PPFIBP1: variants seen among roughly 807,000 people sequenced by gnomAD.
The protein encoded by PPFIBP1 is liprin-beta-1.
PPFIBP1 carries 112 observed loss-of-function variants against 137.8 expected under a neutral mutation model. The ratio of observed to expected loss-of-function variants is 0.81; its 90% confidence interval spans 0.70 to 0.95. The LOEUF (loss-of-function observed/expected upper bound fraction) is 0.95. Ranked by LOEUF, PPFIBP1 falls within the 40% of genes least tolerant of loss-of-function variation. The pLI is 0.00. For missense variants in PPFIBP1, 1,083 were observed against 1,196.6 expected (o/e 0.91, Z 1.40); for synonymous variants, 378 against 417.3 (o/e 0.91, Z 1.15).
intron 24 of PPFIBP1, among the ~76,000 whole-genome samples, chr12:27,684,385 A>C (rs2061074540): frequency 1.3e-5 from 2 of 152,384 alleles, no homozygotes; most frequent in South Asian, 4.1e-4. Flanking sequence ...CTGGGATTAC[A>C]GGCGTGAGCC....
chr12:27,664,257 T>C (rs2059722300), intron 11 of PPFIBP1, 105 bp from the exon 12 acceptor site: 1 of 731,022 alleles, frequency 1.4e-6, no homozygotes, highest in Non-Finnish European at 2.4e-6. Context: ...GGCAGAATCA[T>C]GCGTATTCTT....
intron 25 of PPFIBP1, 21 bp from the exon 26 acceptor site, chr12:27,688,277 C>T (rs1024474378): frequency 2.3e-5 from 37 of 1,610,618 alleles, no homozygotes; most frequent in Non-Finnish European, 2.9e-5. Flanking sequence ...TATTTAGGAT[C>T]CTGGTTGTGT....
chr12:27,689,677 G>T (rs1377337885), intron 27 of PPFIBP1, among the ~76,000 whole-genome samples: 1 of 152,084 alleles, frequency 6.6e-6, no homozygotes, highest in African/African-American at 2.4e-5. Flanking sequence ...CTCCTGCCTT[G>T]AGTCCTTGCC....
intron 7 of PPFIBP1, among the ~76,000 whole-genome samples, chr12:27,653,559 C>A (rs1451001177): frequency 7.1e-6 from 1 of 141,672 alleles, no homozygotes; most frequent in Non-Finnish European, 1.5e-5. Context: ...TGCACTCCAG[C>A]CTGGGTGACA....
At chr12:27,605,875 T>G (rs928266849) in intron 2 of PPFIBP1, among the ~76,000 whole-genome samples, 3 of 152,248 alleles carry the variant, frequency 2.0e-5, no homozygotes, top group African/African-American at 7.2e-5. Context: ...AAAATTATTG[T>G]CTTGAAATGA....
At chr12:27,686,803 G>T (rs563487147) in intron 24 of PPFIBP1, among the ~76,000 whole-genome samples, 1 of 152,124 alleles carries the variant, frequency 6.6e-6, no homozygotes, top group Admixed American at 6.5e-5. Flanking sequence ...TTGGGCGGCT[G>T]AGGCCGGGGG....
chr12:27,663,480 G>C (rs1312572301), intron 11 of PPFIBP1, among the ~76,000 whole-genome samples: 1 of 152,166 alleles, frequency 6.6e-6, no homozygotes, highest in Non-Finnish European at 1.5e-5. Flanking sequence ...AAAAGAAAGA[G>C]TGGATGGATA....
In PPFIBP1 at chr12:27,634,934, A is replaced by G. The variant is rs2881468; in HGVS notation, c.89A>G (p.Asn30Ser). The G allele has an allele frequency of 8.1e-6, 13 of 1,613,902 alleles. No individual in the cohort carries two copies. The highest frequency in any genetic ancestry group is 6.7e-5 in the East Asian group (3 of 44,892). ...GGTTCTAAGGCTCTGGAATATTCCA[A>G]TGGGATTTTTGATTGCCAATCTCCC... ...IAGSKALEYS[N>S]GIFDCQSPTS... The change falls in exon 4 of 30, where the codon AAT (asparagine) becomes AGT (serine). Residue 30 changes from asparagine to serine, a missense_variant. Transcript: ENST00000228425.
At chr12:27,555,075 G>A (rs961803463) in intron 1 of PPFIBP1, among the ~76,000 whole-genome samples, 2 of 152,120 alleles carry the variant, frequency 1.3e-5, no homozygotes, top group Admixed American at 1.3e-4. Context: ...ATGGAAGGCA[G>A]GCCCTTCCAG....
intron 2 of PPFIBP1, among the ~76,000 whole-genome samples, chr12:27,611,559 C>T (rs183529472): frequency 1.2e-4 from 18 of 152,272 alleles, no homozygotes; most frequent in African/African-American, 4.3e-4. Context: ...TTTGAAAGGA[C>T]ATAATTAAAC....
chr12:27,678,500 A>G (rs117941939), intron 19 of PPFIBP1, among the ~76,000 whole-genome samples: 1,563 of 152,340 alleles, frequency 0.01, 11 homozygotes, highest in Non-Finnish European at 0.016. Context: ...GGAAAATGAC[A>G]TAGAGTCTGA....
At chr12:27,684,120 T>C (rs1457533299) in intron 24 of PPFIBP1, among the ~76,000 whole-genome samples, 2 of 149,842 alleles carry the variant, frequency 1.3e-5, no homozygotes, top group Non-Finnish European at 3.0e-5. Context: ...TTTATTTATT[T>C]ATTTTGGAGA....
chr12:27,642,080 G>T (rs1210057758), intron 4 of PPFIBP1, among the ~76,000 whole-genome samples: 1 of 152,242 alleles, frequency 6.6e-6, no homozygotes, highest in Admixed American at 6.5e-5. Flanking sequence ...CGTTTTCCGG[G>T]TGAGGTTCCT....
At chr12:27,570,442 C>T (rs1267178559) in intron 1 of PPFIBP1, among the ~76,000 whole-genome samples, 2 of 152,088 alleles carry the variant, frequency 1.3e-5, no homozygotes, top group Non-Finnish European at 2.9e-5. Flanking sequence ...CAAATTCTAC[C>T]CTCTAAGTCA....
chr12:27,678,427 A>G (rs752020869), intron 19 of PPFIBP1, among the ~76,000 whole-genome samples: 7 of 152,252 alleles, frequency 4.6e-5, no homozygotes, highest in Non-Finnish European at 7.3e-5. Flanking sequence ...ACATTTCAAA[A>G]ATAAAGAATT....
chr12:27,609,986 C>T (rs187222306), intron 2 of PPFIBP1, among the ~76,000 whole-genome samples: 4 of 152,224 alleles, frequency 2.6e-5, no homozygotes, highest in South Asian at 4.2e-4. Flanking sequence ...TTGTCCTTAG[C>T]GAGCCTGTGC....
intron 9 of PPFIBP1, among the ~76,000 whole-genome samples, chr12:27,658,138 G>GA (rs56797899): frequency 4.0e-4 from 49 of 122,990 alleles, no homozygotes; most frequent in African/African-American, 6.6e-4. Flanking sequence ...TCCTGTCTCT[G>GA]AAAAAAAAAA....
rs140395529 is a variant in PPFIBP1 at position 27,683,764 on chromosome 12, ATTTATTTTTATT to A, written c.2247+1076_2247+1087del. 3.1e-3 allele frequency among the ~76,000 whole-genome samples: 474 copies of A among 151,782 alleles called. 2 individuals are homozygous for A. The highest frequency in any genetic ancestry group is 6.8e-3 in the Middle Eastern group (2 of 294). On this transcript the variant is annotated intron_variant, in intron 24 of 29. Coordinates refer to ENST00000228425, the MANE Select transcript of PPFIBP1 (RefSeq NM_003622.4). Reference sequence around the variant, plus strand: ...GTTCTACTTAAAATTCTCTTTATTTATTTATTTTTATTTTTATTTTTATTTTATTTTATTTTA... The same window carrying A: ...GTTCTACTTAAAATTCTCTTTATTTATTTATTTTTATTTTATTTTATTTTA...
intron 4 of PPFIBP1, among the ~76,000 whole-genome samples, chr12:27,642,180 A>C (rs1213911296): frequency 6.6e-6 from 1 of 152,252 alleles, no homozygotes; most frequent in African/African-American, 2.4e-5. Flanking sequence ...GGCAGAGGCC[A>C]TAAGTTCCTT....
Sources: gnomAD v4.1 joint callset for allele counts (sites outside exome capture counted in the v4.1 genomes callset) on GRCh38, gnomAD v4.1.1 for gene constraint, MANE v1.5 for transcripts, NCBI Gene and HGNC (gene_info 2026-07-23, HGNC 2026-07-21) for gene names.